The following CYP7B1 variants were observed in gnomAD, a reference collection of about 807,000 sequenced individuals.
CYP7B1 encodes the protein cytochrome P450 family 7 subfamily B member 1.
CYP7B1 carries 29 observed loss-of-function variants against 42.7 expected under a neutral mutation model. The ratio of observed to expected loss-of-function variants is 0.68; its 90% CI spans 0.51 to 0.93. The LOEUF (loss-of-function observed/expected upper bound fraction) is 0.93, where lower values mean the gene tolerates loss of function less well. Among genes scored for constraint, CYP7B1 ranks in the 40% least tolerant of loss-of-function variants. The pLI is 0.00. For missense variants in CYP7B1, 655 were observed against 600.5 expected, an observed-to-expected ratio of 1.09 and a Z score of -0.95; for synonymous variants, 235 against 218.2, an observed-to-expected ratio of 1.08 and a Z score of -0.68.
At chr8:64,677,559 TGAG>T (rs936118957) in intron 1 of CYP7B1, among the ~76,000 whole-genome samples, 1 of 151,182 alleles carries the variant, frequency 6.6e-6, no homozygotes, top group Non-Finnish European at 1.5e-5. Flanking sequence ...CTCAAGCAAC[TGAG>T]GAGGACAGGC....
intron 1 of CYP7B1, among the ~76,000 whole-genome samples, chr8:64,755,827 T>C (rs1296489811): frequency 6.6e-6 from 1 of 152,208 alleles, no homozygotes; most frequent in East Asian, 1.9e-4. Flanking sequence ...ATAGGTCTAC[T>C]AATGGAAAGA....
intron 1 of CYP7B1, among the ~76,000 whole-genome samples, chr8:64,660,892 C>A (rs1205640421): frequency 6.6e-6 from 1 of 152,124 alleles, no homozygotes; most frequent in African/African-American, 2.4e-5. Flanking sequence ...GTGAGCAATA[C>A]TCTAGAATTT....
intron 1 of CYP7B1, among the ~76,000 whole-genome samples, chr8:64,767,256 A>G (rs758718955): frequency 3.9e-5 from 6 of 152,244 alleles, no homozygotes; most frequent in Non-Finnish European, 8.8e-5. Context: ...TCAGGAAGCC[A>G]TTAGGAGATT....
In CYP7B1 at chr8:64,615,113, G is replaced by T. The variant is rs773055558; in HGVS notation, c.970C>A (p.Arg324Ser). 3 of 1,613,628 alleles carry T rather than the reference G, an allele frequency of 1.9e-6. No individual in the cohort carries two copies. The highest frequency in any genetic ancestry group is 1.7e-6 in the Non-Finnish European group (2 of 1,179,778). Residue 324 changes from arginine to serine, a missense_variant, in exon 4 of 6, where the codon CGT (arginine) becomes AGT (serine). Physicochemically the swap from Arg to Ser is moderately radical, Grantham distance 110. Coordinates refer to ENST00000310193, the MANE Select transcript of CYP7B1 (RefSeq NM_004820.5). The stretch of plus-strand genomic sequence containing the variant: ...TTTTGACCTGTTGACTGCAGCAAAC[G>T]GTCAATTTCGTCACGCACTGCTGCC... ...AMAAVRDEID[R>S]LLQSTGQKKG...
intron 1 of CYP7B1, among the ~76,000 whole-genome samples, chr8:64,650,522 C>T (rs1806022657): frequency 6.6e-6 from 1 of 152,024 alleles, no homozygotes; most frequent in African/African-American, 2.4e-5. Flanking sequence ...GTGGCATGCA[C>T]CTGTAGTCCC....
intron 1 of CYP7B1, among the ~76,000 whole-genome samples, chr8:64,722,844 T>C (rs1282057502): frequency 2.0e-5 from 3 of 147,882 alleles, no homozygotes; most frequent in African/African-American, 7.4e-5. Flanking sequence ...CATTTAAGCC[T>C]CACAATGACT....
chr8:64,610,872 A>G (rs1805353103), intron 4 of CYP7B1, among the ~76,000 whole-genome samples: 1 of 152,164 alleles, frequency 6.6e-6, no homozygotes, highest in Non-Finnish European at 1.5e-5. Flanking sequence ...GCCACTATCT[A>G]GCTGTATGAC....
At chr8:64,668,264 C>T (rs576686880) in intron 1 of CYP7B1, among the ~76,000 whole-genome samples, 12 of 152,174 alleles carry the variant, frequency 7.9e-5, no homozygotes, top group South Asian at 2.1e-4. Context: ...ATTGAAAGGA[C>T]GCTCCCTGTA....
At chr8:64,631,662 C>T (rs575735684) in intron 1 of CYP7B1, among the ~76,000 whole-genome samples, 9 of 152,164 alleles carry the variant, frequency 5.9e-5, no homozygotes, top group Admixed American at 6.5e-5. Context: ...TATTTGTGAA[C>T]CACATATTTG....
At chr8:64,713,169 T>G (rs548722976) in intron 1 of CYP7B1, among the ~76,000 whole-genome samples, 1 of 152,270 alleles carries the variant, frequency 6.6e-6, no homozygotes, top group Non-Finnish European at 1.5e-5. Flanking sequence ...ATATGAGACT[T>G]GTCAAATGAT....
In CYP7B1 at chr8:64,593,058, C is replaced by T. The variant is rs936085937; in HGVS notation, c.*3584G>A. Among the ~76,000 whole-genome samples, 2 of 152,020 alleles carry T rather than the reference C, an allele frequency of 1.3e-5. No homozygotes were observed. The highest frequency in any genetic ancestry group is 2.9e-5 in the Non-Finnish European group (2 of 68,024). On this transcript the variant is annotated 3_prime_UTR_variant, in exon 6 of 6. Transcript: ENST00000310193. ...ACACATTTCCAGTTATAAAATAAGC[C>T]GAAATTGGAATGGAATAATTTCCTG...
chr8:64,673,712 C>T (rs1274390913), intron 1 of CYP7B1, among the ~76,000 whole-genome samples: 1 of 151,990 alleles, frequency 6.6e-6, no homozygotes, highest in Non-Finnish European at 1.5e-5. Flanking sequence ...AGTTCTTAAC[C>T]ATAATAAACG....
intron 1 of CYP7B1, among the ~76,000 whole-genome samples, chr8:64,741,137 G>A (rs766403721): frequency 3.9e-5 from 6 of 151,906 alleles, no homozygotes; most frequent in African/African-American, 1.4e-4. Context: ...AGAGATTAAG[G>A]AAAGAATGTC....
chr8:64,695,397 GAGA>G (rs1806808963), intron 1 of CYP7B1, among the ~76,000 whole-genome samples: 1 of 152,124 alleles, frequency 6.6e-6, no homozygotes, highest in African/African-American at 2.4e-5. Flanking sequence ...CGGGCTGAGG[GAGA>G]AGGAGGACAT....
At chr8:64,590,067 T>G (rs573830866), downstream of CYP7B1, among the ~76,000 whole-genome samples, 1 of 152,258 alleles carries the variant, frequency 6.6e-6, no homozygotes, top group Non-Finnish European at 1.5e-5. Context: ...CACATGATCA[T>G]TGCTAATTCT....
chr8:64,764,000 A>T (rs1807929740), intron 1 of CYP7B1, among the ~76,000 whole-genome samples: 1 of 151,756 alleles, frequency 6.6e-6, no homozygotes, highest in African/African-American at 2.4e-5. Context: ...CTCCAAAGAG[A>T]TCTAAGGAAG....
intron 1 of CYP7B1, among the ~76,000 whole-genome samples, chr8:64,777,041 T>C (rs1804337449): frequency 6.6e-6 from 1 of 152,080 alleles, no homozygotes; most frequent in African/African-American, 2.4e-5. Flanking sequence ...TAAATAAATG[T>C]GCATGCTTTT....
At chr8:64,680,081 T>C (rs1806512469) in intron 1 of CYP7B1, among the ~76,000 whole-genome samples, 2 of 152,042 alleles carry the variant, frequency 1.3e-5, no homozygotes, top group Non-Finnish European at 2.9e-5. Context: ...CTCCATTCCC[T>C]GAAAACAACC....
In CYP7B1 at chr8:64,798,584, C is replaced by G. The variant is rs1419322606; in HGVS notation, c.4G>C (p.Ala2Pro). The G allele has an allele frequency of 6.8e-7, 1 of 1,466,424 alleles. No homozygotes were observed. The highest frequency in any genetic ancestry group is 8.9e-7 in the Non-Finnish European group (1 of 1,118,822). The allele number at this position is 1,466,424 out of a possible 1,614,324, so 90.8% of individuals were successfully genotyped here. A position where few individuals can be genotyped will look rare whatever the true frequency, so the allele number is the denominator to read the frequency against. The part of the protein sequence containing the change: M[A>P]GEVSAATGRF... ...CCCGTGGCCGCGGACACTTCTCCTG[C>G]CATCCGGCGCGCGCTAGGCCGCGGT... The change falls in exon 1 of 6, where the codon GCA becomes CCA. Residue 2 changes from alanine (A) to proline (P), a missense_variant. Physicochemically the swap from Ala to Pro is conservative, Grantham distance 27. Coordinates refer to ENST00000310193, the MANE Select transcript of CYP7B1 (RefSeq NM_004820.5).
Sources: gnomAD v4.1 joint callset for allele counts (sites outside exome capture counted in the v4.1 genomes callset) on GRCh38, gnomAD v4.1.1 for gene constraint, MANE v1.5 for transcripts, NCBI Gene and HGNC (gene_info 2026-07-23, HGNC 2026-07-21) for gene names.